ACADM: variants seen among roughly 807,000 people sequenced by gnomAD.
ACADM encodes the protein medium-chain specific acyl-CoA dehydrogenase, mitochondrial.
A neutral mutation model predicts 58.9 loss-of-function variants in ACADM; 49 were observed. The observed-to-expected ratio is 0.83, with a 90% confidence interval of 0.66 to 1.06. The LOEUF is 1.06. Among genes scored for constraint, ACADM ranks in the 50% least tolerant of loss-of-function variants. The probability of loss-of-function intolerance (pLI) is 0.00; values close to 1 mark genes in which losing one functional copy is unlikely to be tolerated. For missense variants in ACADM, 496 were observed against 507.0 expected (o/e 0.98, Z 0.21); for synonymous variants, 160 against 157.7 (o/e 1.01, Z -0.11).
chr1:75,734,741 C>G, intron 5 of ACADM, 50 bp from the exon 6 acceptor site: 2 of 1,375,894 alleles, frequency 1.5e-6, no homozygotes, highest in African/African-American at 2.9e-5. Context: ...TCTGAATTTA[C>G]ATATCCAATA....
At position 75,728,381 on chromosome 1, in the gene ACADM, A is replaced by C; in HGVS notation, c.31-20A>C. Reference sequence around the variant, plus strand: ...ATGTTTAACTTATCAAATTTATTTTAATAAAAGTGTTCTTTACAGGTCCTG... The same window carrying C: ...ATGTTTAACTTATCAAATTTATTTTCATAAAAGTGTTCTTTACAGGTCCTG... On this transcript the variant is annotated intron_variant, in intron 1 of 11. Coordinates refer to ENST00000370841, the MANE Select transcript of ACADM (RefSeq NM_000016.6). 1 of 1,594,316 alleles carries C rather than the reference A, an allele frequency of 6.3e-7. No homozygotes were observed. Among genetic ancestry groups the C allele is most frequent in the Non-Finnish European group, 8.6e-7 (1 of 1,164,654 alleles).
chr1:75,753,190 C>T (rs1612097), intron 10 of ACADM, among the ~76,000 whole-genome samples: 56,896 of 151,928 alleles, frequency 0.37, 11,690 homozygotes, highest in African/African-American at 0.55. Context: ...TTTAATTGCC[C>T]CTTTGGAAAG....
chr1:75,728,260 G>A (rs1187887841), intron 1 of ACADM, 141 bp from the exon 2 acceptor site: 4 of 575,832 alleles, frequency 6.9e-6, no homozygotes, highest in Non-Finnish European at 1.2e-5. Flanking sequence ...AATTATGATT[G>A]AAGGCATTTA....
In ACADM at chr1:75,728,100, A is replaced by G. The variant is rs558232897; in HGVS notation, c.31-301A>G. ...TAGGAGCTTGTAAGATACCCAGAAT[A>G]GTGGTCCTACATCTACTACTACCCT... is the stretch of plus-strand genomic sequence containing the variant. On this transcript the variant is annotated intron_variant, in intron 1 of 11. Coordinates refer to ENST00000370841, the MANE Select transcript of ACADM (RefSeq NM_000016.6). Among the ~76,000 whole-genome samples the G allele has an allele frequency of 3.3e-5, 5 of 152,288 alleles. No homozygotes were observed. In the East Asian group the frequency reaches 9.6e-4, roughly 29 times the overall value.
intron 6 of ACADM, among the ~76,000 whole-genome samples, chr1:75,739,467 A>G (rs1257969631): frequency 6.6e-6 from 1 of 152,214 alleles, no homozygotes; most frequent in Non-Finnish European, 1.5e-5. Flanking sequence ...TTTATTAAAT[A>G]TATGATTTGT....
At chr1:75,748,343 A>G (rs970299120) in intron 8 of ACADM, among the ~76,000 whole-genome samples, 1 of 152,220 alleles carries the variant, frequency 6.6e-6, no homozygotes, top group Admixed American at 6.5e-5. Flanking sequence ...CTAGTTTAGT[A>G]GTTTCTTATA....
In ACADM at chr1:75,749,415, T is replaced by C. The variant is rs1648074655; in HGVS notation, c.709-4T>C. On this transcript the variant is annotated splice_polypyrimidine_tract_variant and splice_region_variant and intron_variant, in intron 8 of 11. Coordinates refer to ENST00000370841, the MANE Select transcript of ACADM (RefSeq NM_000016.6). ...TCCTTAAAATATATCAATTTTCTTATTAGGAATTAAACATGGGCCAGCGAT... is the reference window on the plus strand; with the variant it reads ...TCCTTAAAATATATCAATTTTCTTACTAGGAATTAAACATGGGCCAGCGAT... 1 of 1,613,532 alleles carries C rather than the reference T, an allele frequency of 6.2e-7. No individual in the cohort carries two copies. The highest frequency in any genetic ancestry group is 8.5e-7 in the Non-Finnish European group (1 of 1,179,698).
intron 10 of ACADM, among the ~76,000 whole-genome samples, chr1:75,751,706 C>T (rs1648215137): frequency 6.6e-6 from 1 of 151,986 alleles, no homozygotes; most frequent in Admixed American, 6.6e-5. Context: ...CTTATGTTGG[C>T]CAGGCTGGTG....
At chr1:75,743,747 C>A in intron 7 of ACADM, 1 of 1,553,508 alleles carries the variant, frequency 6.4e-7, no homozygotes, top group Admixed American at 1.7e-5. Context: ...ATGGTCTGTT[C>A]AATATCTGCA....
intron 1 of ACADM, among the ~76,000 whole-genome samples, chr1:75,727,082 C>T (rs1313698780): frequency 6.6e-6 from 1 of 152,084 alleles, no homozygotes; most frequent in East Asian, 1.9e-4. Flanking sequence ...GGATTACACG[C>T]ATGAGCCACC....
chr1:75,742,382 C>A (rs1390382712), intron 7 of ACADM, among the ~76,000 whole-genome samples: 2 of 152,176 alleles, frequency 1.3e-5, no homozygotes, highest in Non-Finnish European at 2.9e-5. Flanking sequence ...AGGGTGGTTT[C>A]CTACCCCAGT....
At chr1:75,749,708 C>CTT (rs1557457868) in intron 9 of ACADM, 149 bp downstream of exon 9, 4 of 466,710 alleles carry the variant, frequency 8.6e-6, no homozygotes, top group East Asian at 4.4e-5. Flanking sequence ...TGTTACTTTT[C>CTT]TTTCTTTTTT....
intron 9 of ACADM, 27 bp downstream of exon 9, chr1:75,749,586 A>T: frequency 6.3e-7 from 1 of 1,594,634 alleles, no homozygotes; most frequent in Non-Finnish European, 8.6e-7. Context: ...CATAATCTTT[A>T]TAGGATCTTT....
intron 7 of ACADM, among the ~76,000 whole-genome samples, chr1:75,741,474 CG>C (rs1557451512): frequency 6.6e-6 from 1 of 152,072 alleles, no homozygotes; most frequent in Non-Finnish European, 1.5e-5. Flanking sequence ...ATTTTAAAAA[CG>C]GATTAGCCAG....
intron 2 of ACADM, among the ~76,000 whole-genome samples, chr1:75,730,564 C>T (rs1647131641): frequency 6.9e-6 from 1 of 145,568 alleles, no homozygotes; most frequent in African/African-American, 2.6e-5. Context: ...TTTTAAGAGA[C>T]AGGGTTTCAC....
At chr1:75,742,834 C>T (rs990377990) in intron 7 of ACADM, among the ~76,000 whole-genome samples, 1 of 152,154 alleles carries the variant, frequency 6.6e-6, no homozygotes, top group African/African-American at 2.4e-5. Flanking sequence ...GATCCCCTGG[C>T]CTGTGCTTCC....
chr1:75,725,226 C>G (rs536705781), intron 1 of ACADM, among the ~76,000 whole-genome samples: 1 of 149,676 alleles, frequency 6.7e-6, no homozygotes, highest in Admixed American at 6.7e-5. Context: ...TGTAACGTTT[C>G]CACGTTGCTT....
At chr1:75,750,372 C>T (rs114277271) in intron 9 of ACADM, 79 bp from the exon 10 acceptor site, 2 of 1,218,888 alleles carry the variant, frequency 1.6e-6, no homozygotes, top group African/African-American at 3.0e-5. Flanking sequence ...TGTACACTCC[C>T]TAACATAGAC....
intron 2 of ACADM, 107 bp from the exon 3 acceptor site, chr1:75,732,537 A>G: frequency 1.1e-6 from 1 of 912,294 alleles, no homozygotes; most frequent in Non-Finnish European, 1.8e-6. Context: ...GTTTCTGATA[A>G]TCAAGGATTT....
Sources: allele counts gnomAD v4.1 joint callset (sites outside exome capture counted in the v4.1 genomes callset), GRCh38; gene constraint gnomAD v4.1.1; transcripts MANE v1.5; gene names NCBI Gene and HGNC (gene_info 2026-07-23, HGNC 2026-07-21).